UCKL1: variants seen among roughly 807,000 people sequenced by gnomAD.
UCKL1 encodes the protein uridine-cytidine kinase 1 like 1.
Under a neutral mutation model 59.2 loss-of-function variants are expected in UCKL1, and 65 were observed. That is an observed-to-expected ratio of 1.10 (90% CI 0.90 to 1.35). The LOEUF is 1.35. Ranked by LOEUF, UCKL1 falls within the 40% of genes most tolerant of loss-of-function variation. The pLI, the probability that UCKL1 is intolerant of heterozygous loss-of-function variation, is 0.00. For synonymous variants in UCKL1, 410 were observed against 323.1 expected, an observed-to-expected ratio of 1.27 and a Z score of -2.88; for missense variants, 703 against 784.3, an observed-to-expected ratio of 0.90 and a Z score of 1.24.
chr20:63,944,759 G>A (rs2146492500), intron 5 of UCKL1, 25 bp from the exon 6 acceptor site: 2 of 1,609,858 alleles, frequency 1.2e-6, no homozygotes, highest in South Asian at 1.1e-5. Context: ...GGGCCAGTGA[G>A]TGGCCAGATG....
Position 63,956,354 on chromosome 20 carries a change from G to C in UCKL1, c.19C>G (p.Arg7Gly). The C allele has an allele frequency of 1.3e-6, 2 of 1,533,494 alleles. No homozygotes were observed. Among genetic ancestry groups the C allele is most frequent in the Non-Finnish European group, 1.8e-6 (2 of 1,142,742 alleles). The allele number at this position is 1,533,494 out of a possible 1,614,324, so 95.0% of individuals were successfully genotyped here. The change falls in exon 1 of 15, where the codon CGC becomes GGC. Residue 7 changes from arginine (R) to glycine (G), a missense_variant. Arg to Gly is a moderately radical substitution (Grantham distance 125). Around this residue, in one of 4 missense-constraint regions of UCKL1, gnomAD observed 398 missense variants for 373.0 expected, o/e 1.07. Transcript: ENST00000354216. ...GTGGGCGAAGGATCAGCGTCCGCGC[G>C]GGCCGGGGGCGCAGCCATGGCGCTC... MAAPPA[R>G]ADADPSPTSP...
Position 63,956,409 on chromosome 20 carries a change from G to T in UCKL1, c.-37C>A, listed in dbSNP as rs142269879. The T allele has an allele frequency of 9.8e-3, 13,237 of 1,354,558 alleles. 101 individuals are homozygous for T. Among genetic ancestry groups the T allele is most frequent in the Non-Finnish European group, 9.9e-3 (10,410 of 1,051,028 alleles). 83.9% of individuals were successfully genotyped at this position (1,354,558 alleles called of 1,614,324 possible). A position where few individuals can be genotyped will look rare whatever the true frequency, so the allele number is the denominator to read the frequency against. On this transcript the variant is annotated 5_prime_UTR_variant, in exon 1 of 15. Coordinates refer to ENST00000354216, the MANE Select transcript of UCKL1 (RefSeq NM_017859.4). ...GCCTCTTTGCGGGCCTGGCCGGGCG[G>T]CGCGCATGGGCCGCCGGGAGCTGGC...
Position 63,944,413 on chromosome 20 carries a change from T to TGCAC in UCKL1, c.886_889dup (p.His297ArgfsTer9). On this transcript the variant is annotated frameshift_variant, in exon 7 of 15. Transcript: ENST00000354216. LOFTEE classifies it high-confidence loss of function. ...CCCGCTCACCTCCTCCAGCTGGCTG[T>TGCAC]GCACGTGCTGCACAATCAGGTCGAT... The TGCAC allele has an allele frequency of 1.3e-6, 2 of 1,562,416 alleles. No homozygotes were observed. The highest frequency in any genetic ancestry group is 8.7e-7 in the Non-Finnish European group (1 of 1,154,614).
At chr20:63,954,291 A>T (rs1335233263) in intron 1 of UCKL1, 2 of 153,266 alleles carry the variant, frequency 1.3e-5, no homozygotes, top group Non-Finnish European at 2.9e-5. Context: ...GCCAGGAGTC[A>T]CTGCTAACAC....
At chr20:63,951,343 T>C (rs2057555816) in intron 1 of UCKL1, among the ~76,000 whole-genome samples, 1 of 152,134 alleles carries the variant, frequency 6.6e-6, no homozygotes, top group African/African-American at 2.4e-5. Context: ...GGAGGACCAC[T>C]GTGCGCCGTG....
At chr20:63,942,599 G>T (rs376844803) in intron 8 of UCKL1, 36 of 707,044 alleles carry the variant, frequency 5.1e-5, no homozygotes, top group Non-Finnish European at 7.0e-5. Context: ...GGAGCAGGGC[G>T]TTCCCCGCAG....
At chr20:63,940,747 C>G (rs770809895) in intron 11 of UCKL1, 31 bp from the exon 12 acceptor site, 4 of 1,605,928 alleles carry the variant, frequency 2.5e-6, no homozygotes, top group Non-Finnish European at 3.4e-6. Context: ...GCGCCCACAT[C>G]CCGCCCCAGC....
At position 63,940,308 on chromosome 20, in the gene UCKL1, T is replaced by C. The variant is rs779355595; in HGVS notation, c.1411-2A>G. ...CTTGTCCTCAGGCACGTCGTGGTCCTACCGAGTGTATTGGGCAGGTAAATC... is the reference window on the plus strand; with the variant it reads ...CTTGTCCTCAGGCACGTCGTGGTCCCACCGAGTGTATTGGGCAGGTAAATC... On this transcript the variant is annotated splice_acceptor_variant, in intron 13 of 14. Transcript: ENST00000354216. LOFTEE classifies it high-confidence loss of function. 1.2e-6 allele frequency: 2 copies of C among 1,612,628 alleles called. No homozygotes were observed. Among genetic ancestry groups the C allele is most frequent in the Non-Finnish European group, 1.7e-6 (2 of 1,179,952 alleles).
At chr20:63,950,480 G>A (rs961598611) in intron 1 of UCKL1, among the ~76,000 whole-genome samples, 1 of 152,204 alleles carries the variant, frequency 6.6e-6, no homozygotes, top group African/African-American at 2.4e-5. Context: ...CTCACTTCCT[G>A]TGCACAGATG....
intron 14 of UCKL1, 41 bp downstream of exon 14, chr20:63,940,108 AC>A (rs1465312551): frequency 1.2e-6 from 2 of 1,607,562 alleles, no homozygotes; most frequent in Non-Finnish European, 1.7e-6. Context: ...AGGGCCACCC[AC>A]CCTGCCCTCA....
intron 1 of UCKL1, among the ~76,000 whole-genome samples, chr20:63,952,593 C>T (rs1047606354): frequency 2.0e-5 from 3 of 152,204 alleles, no homozygotes; most frequent in Non-Finnish European, 1.5e-5. Flanking sequence ...TGAGCTGGGC[C>T]GGTCCAGAGA....
intron 1 of UCKL1, among the ~76,000 whole-genome samples, chr20:63,947,681 G>C (rs1019295272): frequency 2.0e-5 from 3 of 152,224 alleles, no homozygotes; most frequent in South Asian, 4.1e-4. Flanking sequence ...CCCCTCCTGG[G>C]TCCCCAAGAC....
intron 7 of UCKL1, 23 bp from the exon 8 acceptor site, chr20:63,943,692 C>T (rs372102615): frequency 8.2e-5 from 132 of 1,612,460 alleles, no homozygotes; most frequent in Non-Finnish European, 1.1e-4. Flanking sequence ...CACAGGAAGA[C>T]ACAAGGGAAC....
intron 1 of UCKL1, among the ~76,000 whole-genome samples, chr20:63,948,630 G>C (rs1185038423): frequency 1.4e-4 from 1 of 7,166 alleles, no homozygotes; most frequent in Non-Finnish European, 3.8e-4. Context: ...GTGTGTGAGA[G>C]GGAAGGGGCG....
chr20:63,944,949 G>A (rs1231238733), intron 5 of UCKL1, among the ~76,000 whole-genome samples: 1 of 152,222 alleles, frequency 6.6e-6, no homozygotes, highest in African/African-American at 2.4e-5. Flanking sequence ...ACCCTGGCAG[G>A]TGGGAAGGAG....
chr20:63,943,576 A>G (rs2055277887), intron 8 of UCKL1, 77 bp downstream of exon 8: 1 of 1,604,010 alleles, frequency 6.2e-7, no homozygotes, highest in South Asian at 1.1e-5. Context: ...GCCTGGCTGG[A>G]TCACAGCCCA....
rs1362345813 is a variant in UCKL1, at chr20:63,940,023, C to T, written c.1600G>A (p.Ala534Thr). The change falls in exon 15 of 15, where the codon GCG (alanine) becomes ACG (threonine). Residue 534 changes from alanine to threonine, a missense_variant. Around this residue, in one of 4 missense-constraint regions of UCKL1, gnomAD observed 124 missense variants for 161.1 expected, o/e 0.77. Transcript: ENST00000354216. ...NFGDRYFGTD[A>T]VPDGSDEEEV... ...TCCTCGTCACTGCCATCGGGGACCGCGTCTGTCCCAAAGTAGCGGTCGCCA... is the reference window on the plus strand; with the variant it reads ...TCCTCGTCACTGCCATCGGGGACCGTGTCTGTCCCAAAGTAGCGGTCGCCA... The T allele has an allele frequency of 6.2e-7, 1 of 1,601,680 alleles. No homozygotes were observed. Among genetic ancestry groups the T allele is most frequent in the African/African-American group, 1.4e-5 (1 of 72,588 alleles).
At chr20:63,956,019 G>A in intron 1 of UCKL1, 2 of 391,216 alleles carry the variant, frequency 5.1e-6, no homozygotes, top group Middle Eastern at 6.8e-4. Context: ...AACGCTGGGG[G>A]TGCGCACCCG....
At chr20:63,947,328 G>T (rs549252147) in intron 1 of UCKL1, among the ~76,000 whole-genome samples, 1 of 152,240 alleles carries the variant, frequency 6.6e-6, no homozygotes, top group African/African-American at 2.4e-5. Flanking sequence ...AAAGGCAGGT[G>T]AGACCCCAAA....
Sources: allele counts gnomAD v4.1 joint callset (sites outside exome capture counted in the v4.1 genomes callset), GRCh38; gene constraint gnomAD v4.1.1; regional missense constraint gnomAD v4.1.1; transcripts MANE v1.5; gene names NCBI Gene and HGNC (gene_info 2026-07-23, HGNC 2026-07-21).